The following DIAPH3 variants were observed in gnomAD, a reference collection of about 807,000 sequenced individuals.
DIAPH3 encodes diaphanous related formin 3.
Under a neutral mutation model 144.3 loss-of-function variants are expected in DIAPH3, and 117 were observed. The observed-to-expected ratio is 0.81, with a 90% CI of 0.70 to 0.95. DIAPH3 has a LOEUF of 0.95. Among genes scored for constraint, DIAPH3 ranks in the 40% least tolerant of loss-of-function variants. The pLI, the probability that DIAPH3 is intolerant of heterozygous loss-of-function variation, is 0.00. For missense variants in DIAPH3, 1,421 were observed against 1,412.7 expected, an observed-to-expected ratio of 1.01 and a Z score of -0.09; for synonymous variants, 519 against 488.9, an observed-to-expected ratio of 1.06 and a Z score of -0.81.
At chr13:59,853,148 G>A (rs1048754206) in intron 22 of DIAPH3, among the ~76,000 whole-genome samples, 1 of 152,118 alleles carries the variant, frequency 6.6e-6, no homozygotes, top group Non-Finnish European at 1.5e-5. Context: ...TCAACTCCAG[G>A]TGAACCAGTT....
chr13:59,730,259 G>A (rs144239833), intron 27 of DIAPH3, among the ~76,000 whole-genome samples: 1,539 of 152,210 alleles, frequency 0.01, 10 homozygotes, highest in Middle Eastern at 0.024. Context: ...GCCTCTGCCT[G>A]GCACGCCAAT....
At chr13:60,045,265 G>A (rs748924740) in intron 4 of DIAPH3, among the ~76,000 whole-genome samples, 4 of 151,896 alleles carry the variant, frequency 2.6e-5, no homozygotes, top group Non-Finnish European at 4.4e-5. Flanking sequence ...GCTTGAACCC[G>A]GGAGGTGAAG....
chr13:59,848,611 C>T (rs2042806349), intron 22 of DIAPH3, among the ~76,000 whole-genome samples: 1 of 130,892 alleles, frequency 7.6e-6, no homozygotes, highest in African/African-American at 2.9e-5. Context: ...ATGATGATTT[C>T]CAATTTCATC....
intron 24 of DIAPH3, among the ~76,000 whole-genome samples, chr13:59,822,858 C>G (rs745582552): frequency 2.0e-5 from 3 of 152,098 alleles, no homozygotes; most frequent in Non-Finnish European, 4.4e-5. Flanking sequence ...TGAGAATAAT[C>G]TAGAAAAGGC....
chr13:59,689,154 TC>T (rs1271088913), intron 27 of DIAPH3, among the ~76,000 whole-genome samples: 2 of 152,086 alleles, frequency 1.3e-5, no homozygotes, highest in Non-Finnish European at 2.9e-5. Context: ...CAAGAAAGTC[TC>T]CTGAAAGGCC....
intron 27 of DIAPH3, among the ~76,000 whole-genome samples, chr13:59,681,177 A>G (rs1255999382): frequency 6.6e-6 from 1 of 152,206 alleles, no homozygotes; most frequent in East Asian, 1.9e-4. Flanking sequence ...TGTTAAAAAA[A>G]CAACAAAATG....
chr13:59,731,174 G>C (rs1003828614), intron 27 of DIAPH3, among the ~76,000 whole-genome samples: 13 of 152,112 alleles, frequency 8.5e-5, no homozygotes, highest in African/African-American at 3.1e-4. Flanking sequence ...AGCATAATAA[G>C]CTGCTACTTT....
rs139440571 is a variant in DIAPH3 at position 59,950,155 on chromosome 13, C to T, written c.2074+19789G>A. Among the ~76,000 whole-genome samples the T allele has an allele frequency of 2.0e-4, 31 of 152,202 alleles. No homozygotes were observed. In the East Asian group the frequency reaches 3.3e-3, roughly 16 times the overall value. ...TATAATATTTTAATTTATTTATAAA[C>T]GTGACAGAAGAAAATATAAATGCCT... On this transcript the variant is annotated intron_variant, in intron 17 of 27. Transcript: ENST00000400324.
intron 17 of DIAPH3, among the ~76,000 whole-genome samples, chr13:59,941,349 A>C (rs1029169181): frequency 6.6e-6 from 1 of 152,174 alleles, no homozygotes; most frequent in Non-Finnish European, 1.5e-5. Context: ...GCAGGGGATC[A>C]GAAGGACAAG....
Position 59,879,289 on chromosome 13 carries a change from G to C in DIAPH3, c.2547C>G (p.Tyr849Ter). ...LLELVLLMGNYMNAGSRNAQT... is the reference protein window; with the variant it reads ...LLELVLLMGN ...GAGCATTCCGGGAGCCAGCATTCAT[G>C]TAGTTTCCCATTAGCAATACAAGTT... Residue 849 changes from tyrosine (Y) to a stop codon, truncating the protein, a stop_gained, in exon 21 of 28, where the codon TAC (tyrosine) becomes TAG (stop). Coordinates refer to ENST00000400324, the MANE Select transcript of DIAPH3 (RefSeq NM_001042517.2). LOFTEE classifies it high-confidence loss of function. 6.2e-7 allele frequency: 1 copy of C among 1,613,874 alleles called. No homozygotes were observed. Among genetic ancestry groups the C allele is most frequent in the Non-Finnish European group, 8.5e-7 (1 of 1,179,846 alleles).
chr13:59,703,265 AT>A (rs1410358889), intron 27 of DIAPH3, among the ~76,000 whole-genome samples: 1 of 152,216 alleles, frequency 6.6e-6, no homozygotes, highest in Non-Finnish European at 1.5e-5. Context: ...TCTGATTAAA[AT>A]TTTCATATTA....
At chr13:59,685,967 G>A (rs2033190596) in intron 27 of DIAPH3, among the ~76,000 whole-genome samples, 2 of 152,062 alleles carry the variant, frequency 1.3e-5, no homozygotes, top group South Asian at 4.1e-4. Flanking sequence ...TATAGTCCAA[G>A]TTAACATTGC....
intron 27 of DIAPH3, among the ~76,000 whole-genome samples, chr13:59,762,832 T>C (rs1452347995): frequency 6.6e-6 from 1 of 152,166 alleles, no homozygotes; most frequent in African/African-American, 2.4e-5. Context: ...TACAAGGTAA[T>C]TAGGCCTTGA....
intron 5 of DIAPH3, among the ~76,000 whole-genome samples, chr13:60,036,648 A>T (rs993276444): frequency 6.6e-6 from 1 of 152,152 alleles, no homozygotes; most frequent in African/African-American, 2.4e-5. Flanking sequence ...CCTTTCAGAA[A>T]TTATCACTAC....
rs749239714 is a variant in DIAPH3, at chr13:59,974,465, A to G, written c.1546-9T>C. On this transcript the variant is annotated splice_polypyrimidine_tract_variant and intron_variant, in intron 14 of 27. Coordinates refer to ENST00000400324, the MANE Select transcript of DIAPH3 (RefSeq NM_001042517.2). ...GTAAACTCTTTTTCAAACTGAAACA[A>G]ATTAAAAATAATAACAAAAACAGGA... 3.2e-5 allele frequency: 51 copies of G among 1,591,634 alleles called. No individual in the cohort carries two copies. The highest frequency in any genetic ancestry group is 4.0e-5 in the Non-Finnish European group (47 of 1,163,300).
intron 21 of DIAPH3, among the ~76,000 whole-genome samples, chr13:59,874,240 C>T (rs983554223): frequency 2.6e-5 from 4 of 152,108 alleles, no homozygotes; most frequent in African/African-American, 4.8e-5. Flanking sequence ...GTGGGGACTG[C>T]GGCATCAGTA....
At chr13:59,823,780 T>G (rs1256426461) in intron 24 of DIAPH3, among the ~76,000 whole-genome samples, 3 of 152,182 alleles carry the variant, frequency 2.0e-5, no homozygotes, top group African/African-American at 7.2e-5. Context: ...TCTAAATGAT[T>G]TGGCAAAATG....
At chr13:59,696,990 G>A (rs2033833246) in intron 27 of DIAPH3, among the ~76,000 whole-genome samples, 1 of 152,042 alleles carries the variant, frequency 6.6e-6, no homozygotes, top group Admixed American at 6.5e-5. Flanking sequence ...CTAAACCTCT[G>A]AATCATTTAA....
At chr13:60,116,410 C>A (rs1228895091) in intron 2 of DIAPH3, among the ~76,000 whole-genome samples, 1 of 151,830 alleles carries the variant, frequency 6.6e-6, no homozygotes, top group African/African-American at 2.4e-5. Flanking sequence ...ACATTTGTAC[C>A]CTCATTACTG....
Sources: allele counts gnomAD v4.1 joint callset (sites outside exome capture counted in the v4.1 genomes callset), GRCh38; gene constraint gnomAD v4.1.1; transcripts MANE v1.5; gene names NCBI Gene and HGNC (gene_info 2026-07-23, HGNC 2026-07-21).